Variants in CUX1 observed in about 807,000 individuals in gnomAD.
The protein encoded by CUX1 is protein CASP.
A neutral mutation model predicts 158.8 loss-of-function variants in CUX1; 31 were observed. The observed-to-expected ratio is 0.20, with a 90% confidence interval of 0.15 to 0.26. CUX1 has a LOEUF of 0.26. CUX1 is among the 10% of genes least tolerant of loss of function. The pLI is 1.00. For synonymous variants in CUX1, 879 were observed against 862.1 expected, an observed-to-expected ratio of 1.02 and a Z score of -0.34; for missense variants, 1,589 against 2,014.6, an observed-to-expected ratio of 0.79 and a Z score of 4.04.
chr7:102,200,718 A>G lies in CUX1; in HGVS notation c.2062+546A>G, dbSNP rs535606746. On this transcript the variant is annotated intron_variant, in intron 17 of 23. Coordinates refer to ENST00000292535, the MANE Select transcript of CUX1 (RefSeq NM_181552.4). ...TTGCATTTCAGAATATAGCACAGGA[A>G]AATGAATACCAAGTATAAAAATTAT... Among the ~76,000 whole-genome samples, 12 of 152,132 alleles carry G rather than the reference A, an allele frequency of 7.9e-5. No individual in the cohort carries two copies. In the East Asian group the frequency reaches 2.3e-3, roughly 29 times the overall value.
At chr7:101,911,555 C>T (rs985533460) in intron 1 of CUX1, among the ~76,000 whole-genome samples, 2 of 152,224 alleles carry the variant, frequency 1.3e-5, no homozygotes, top group East Asian at 1.9e-4. Flanking sequence ...TGACCTTGGC[C>T]CTCCAGTGGA....
intron 11 of CUX1, among the ~76,000 whole-genome samples, chr7:102,180,664 T>C (rs1429240483): frequency 1.3e-5 from 2 of 151,256 alleles, no homozygotes; most frequent in Non-Finnish European, 2.9e-5. Flanking sequence ...AAATTTTCTT[T>C]TTGACACATG....
chr7:102,003,480 TTTGCTTTA>T (rs1816965048), intron 2 of CUX1, among the ~76,000 whole-genome samples: 1 of 152,190 alleles, frequency 6.6e-6, no homozygotes, highest in Non-Finnish European at 1.5e-5. Context: ...GCATTCATTG[TTTGCTTTA>T]TTGCAAGGCT....
intron 3 of CUX1, among the ~76,000 whole-genome samples, chr7:102,041,437 A>C (rs1049706296): frequency 6.0e-5 from 9 of 150,322 alleles, no homozygotes; most frequent in African/African-American, 2.2e-4. Flanking sequence ...TATTATTAGA[A>C]GAGATGGGGT....
intron 4 of CUX1, among the ~76,000 whole-genome samples, chr7:102,092,770 T>G (rs567906613): frequency 1.3e-5 from 2 of 151,834 alleles, no homozygotes; most frequent in African/African-American, 4.8e-5. Flanking sequence ...AAAATTATCC[T>G]GGCATGGTCG....
At chr7:101,986,294 G>A (rs984988510) in intron 2 of CUX1, among the ~76,000 whole-genome samples, 1 of 152,216 alleles carries the variant, frequency 6.6e-6, no homozygotes, top group African/African-American at 2.4e-5. Context: ...GAGGAGTGTG[G>A]AATTTAGTGT....
At chr7:102,060,568 C>G (rs914214602) in intron 3 of CUX1, among the ~76,000 whole-genome samples, 1 of 149,298 alleles carries the variant, frequency 6.7e-6, no homozygotes, top group African/African-American at 2.5e-5. Flanking sequence ...TATATACACA[C>G]ACACATATAT....
chr7:102,014,676 G>C (rs1275617175), intron 2 of CUX1, among the ~76,000 whole-genome samples: 2 of 152,146 alleles, frequency 1.3e-5, no homozygotes, highest in Non-Finnish European at 2.9e-5. Flanking sequence ...CCGTTGGGAA[G>C]TCTCTGAGCG....
At chr7:101,885,934 A>G (rs1800177264) in intron 1 of CUX1, among the ~76,000 whole-genome samples, 1 of 152,152 alleles carries the variant, frequency 6.6e-6, no homozygotes. Context: ...CGCCGTTTAT[A>G]GGAGAGGAAA....
chr7:101,923,110 C>T lies in CUX1; in HGVS notation c.141+6885C>T, dbSNP rs549024257. On this transcript the variant is annotated intron_variant, in intron 2 of 23. Transcript: ENST00000292535. Reference sequence around the variant, plus strand: ...CTGCAGCATGTCTGACCTGCAGCCCCGGCTCACTGGCCTGGCTGTAGGGAG... The same window carrying T: ...CTGCAGCATGTCTGACCTGCAGCCCTGGCTCACTGGCCTGGCTGTAGGGAG... Among the ~76,000 whole-genome samples the T allele has an allele frequency of 1.4e-3, 206 of 152,318 alleles. 1 individual carries two copies. The highest frequency in any genetic ancestry group is 2.3e-3 in the East Asian group (12 of 5,178).
chr7:101,965,848 CAAAAAAAAAAA>C (rs36052208), intron 2 of CUX1, among the ~76,000 whole-genome samples: 55 of 50,156 alleles, frequency 1.1e-3, no homozygotes, highest in African/African-American at 5.6e-3. Flanking sequence ...GACTCCATCT[CAAAAAAAAAAA>C]AAAAAAAAAA....
intron 11 of CUX1, among the ~76,000 whole-genome samples, chr7:102,186,037 A>G (rs1443673466): frequency 6.6e-6 from 1 of 152,220 alleles, no homozygotes; most frequent in African/African-American, 2.4e-5. Flanking sequence ...CTTCAGAGAC[A>G]TTGGGAAACT....
intron 4 of CUX1, among the ~76,000 whole-genome samples, chr7:102,096,073 G>C (rs1338060661): frequency 6.6e-6 from 1 of 152,276 alleles, no homozygotes; most frequent in Non-Finnish European, 1.5e-5. Context: ...TTTTCTGGAA[G>C]TGAATCTGAT....
chr7:101,985,496 G>A (rs766695357), intron 2 of CUX1, among the ~76,000 whole-genome samples: 3 of 152,226 alleles, frequency 2.0e-5, no homozygotes, highest in Admixed American at 6.5e-5. Context: ...ACACCATGCC[G>A]TGCTGCAAAC....
chr7:102,006,466 G>T (rs1389453583), intron 2 of CUX1, among the ~76,000 whole-genome samples: 1 of 151,466 alleles, frequency 6.6e-6, no homozygotes, highest in Non-Finnish European at 1.5e-5. Flanking sequence ...GCACGATATC[G>T]GCTCACTGCA....
intron 8 of CUX1, among the ~76,000 whole-genome samples, chr7:102,152,483 A>G (rs1457972405): frequency 6.6e-6 from 1 of 152,120 alleles, no homozygotes; most frequent in Non-Finnish European, 1.5e-5. Context: ...TAGTAGCACC[A>G]TCTTGGCTCA....
At chr7:101,925,870 A>C (rs768669214) in intron 2 of CUX1, among the ~76,000 whole-genome samples, 2 of 152,156 alleles carry the variant, frequency 1.3e-5, no homozygotes, top group Non-Finnish European at 2.9e-5. Flanking sequence ...CAGGAGATTG[A>C]GGCTTCAGTG....
In CUX1 at chr7:102,257,171, C is replaced by T; in HGVS notation, c.*8129C>T. On this transcript the variant is annotated 3_prime_UTR_variant, in exon 24 of 24. Coordinates refer to ENST00000292535, the MANE Select transcript of CUX1 (RefSeq NM_181552.4). ...AGGCCAAGGCAAGGGCCCTGCTCAC[C>T]CCAAGGTAGGCTGGGAAGAGCATCT... 1 of 985,388 alleles carries T rather than the reference C, an allele frequency of 1.0e-6. No homozygotes were observed. Among genetic ancestry groups the T allele is most frequent in the Non-Finnish European group, 1.2e-6 (1 of 829,932 alleles). 61.0% of individuals were successfully genotyped at this position (985,388 alleles called of 1,614,324 possible).
At chr7:101,989,365 C>T (rs575835576) in intron 2 of CUX1, among the ~76,000 whole-genome samples, 20 of 152,334 alleles carry the variant, frequency 1.3e-4, no homozygotes, top group Admixed American at 7.8e-4. Flanking sequence ...CGAGGCTCGG[C>T]GTGCCGCACT....
Sources: allele counts gnomAD v4.1 joint callset (sites outside exome capture counted in the v4.1 genomes callset), GRCh38; gene constraint gnomAD v4.1.1; transcripts MANE v1.5; gene names NCBI Gene and HGNC (gene_info 2026-07-23, HGNC 2026-07-21).